PEPD: variants seen among roughly 807,000 people sequenced by gnomAD.
PEPD encodes the protein xaa-Pro dipeptidase.
PEPD carries 53 observed loss-of-function variants against 60.7 expected under a neutral mutation model. The ratio of observed to expected loss-of-function variants is 0.87; its 90% CI spans 0.70 to 1.10. The LOEUF is 1.10. Ranked by LOEUF, PEPD falls within the 50% of genes least tolerant of loss-of-function variation. The pLI, the probability that PEPD is intolerant of heterozygous loss-of-function variation, is 0.00. For synonymous variants in PEPD, 267 were observed against 284.1 expected (o/e 0.94, Z 0.60); for missense variants, 711 against 711.9 (o/e 1.00, Z 0.01).
At chr19:33,445,083 G>A (rs1969568195) in intron 9 of PEPD, among the ~76,000 whole-genome samples, 1 of 152,152 alleles carries the variant, frequency 6.6e-6, no homozygotes, top group Non-Finnish European at 1.5e-5. Context: ...TGTGATGCTG[G>A]ATGGATTACT....
intron 13 of PEPD, among the ~76,000 whole-genome samples, chr19:33,390,290 TG>T (rs1258689836): frequency 2.1e-4 from 32 of 152,324 alleles, no homozygotes; most frequent in African/African-American, 6.0e-4. Flanking sequence ...CAGCTAACAA[TG>T]TCTGGAAGGC....
At chr19:33,440,577 C>A (rs1333789952) in intron 9 of PEPD, among the ~76,000 whole-genome samples, 1 of 152,080 alleles carries the variant, frequency 6.6e-6, no homozygotes, top group African/African-American at 2.4e-5. Context: ...TCCCTGACAC[C>A]CCAGAGCTCA....
At chr19:33,452,469 T>C (rs1475991799) in intron 9 of PEPD, among the ~76,000 whole-genome samples, 2 of 152,056 alleles carry the variant, frequency 1.3e-5, no homozygotes, top group Non-Finnish European at 2.9e-5. Flanking sequence ...ATCAATGAGT[T>C]TGACCAACAG....
chr19:33,402,035 C>T lies in PEPD; in HGVS notation c.819-166G>A, dbSNP rs529935860. Among the ~76,000 whole-genome samples, 6 of 152,278 alleles carry T rather than the reference C, an allele frequency of 3.9e-5. No homozygotes were observed. The East Asian group carries it at 5.8e-4, about 15-fold the overall frequency. On this transcript the variant is annotated intron_variant, in intron 11 of 14. Coordinates refer to ENST00000244137, the MANE Select transcript of PEPD (RefSeq NM_000285.4). ...GGGAACTGCCACCTGGTGTCTCCCA[C>T]GGGTGCGTGGGCAGCAAGGAAACCC... is the stretch of plus-strand genomic sequence containing the variant.
chr19:33,413,442 T>C, intron 10 of PEPD, 133 bp downstream of exon 10: 1 of 657,394 alleles, frequency 1.5e-6, no homozygotes, highest in South Asian at 1.7e-5. Context: ...CTTCCAAGCT[T>C]GGGCCGGGCG....
rs148366991 is a variant in PEPD at position 33,467,348 on chromosome 19, CT to C, written c.549-3287del. Among the ~76,000 whole-genome samples the C allele has an allele frequency of 8.4e-4, 124 of 147,854 alleles. No homozygotes were observed. The South Asian group carries it at 0.015, about 18-fold the overall frequency. ...TCATCATAGAAACACAGTTTTATGG[CT>C]TTTTTTTTTAACCTTTTAGAGTTAA... On this transcript the variant is annotated intron_variant, in intron 7 of 14. Coordinates refer to ENST00000244137, the MANE Select transcript of PEPD (RefSeq NM_000285.4).
At chr19:33,397,058 A>G (rs1366662172) in intron 12 of PEPD, among the ~76,000 whole-genome samples, 1 of 150,452 alleles carries the variant, frequency 6.6e-6, no homozygotes, top group African/African-American at 2.5e-5. Context: ...ATCCCACCCA[A>G]CCTCCCGTGC....
At chr19:33,392,024 A>G (rs1415031283) in intron 12 of PEPD, among the ~76,000 whole-genome samples, 2 of 152,232 alleles carry the variant, frequency 1.3e-5, no homozygotes, top group Non-Finnish European at 2.9e-5. Flanking sequence ...ATGGGGATGA[A>G]ACACCCCTGG....
intron 7 of PEPD, among the ~76,000 whole-genome samples, chr19:33,474,354 G>A (rs1970178185): frequency 6.6e-6 from 1 of 152,194 alleles, no homozygotes; most frequent in South Asian, 2.1e-4. Context: ...CTGTAGCATG[G>A]AAATAACTAG....
At chr19:33,421,861 C>T (rs1969026996) in intron 9 of PEPD, among the ~76,000 whole-genome samples, 1 of 152,174 alleles carries the variant, frequency 6.6e-6, no homozygotes, top group Admixed American at 6.5e-5. Flanking sequence ...CCACAACTCC[C>T]TCCCTGGTGC....
intron 9 of PEPD, among the ~76,000 whole-genome samples, chr19:33,431,006 G>A (rs2145395773): frequency 6.6e-6 from 1 of 152,250 alleles, no homozygotes; most frequent in East Asian, 1.9e-4. Flanking sequence ...TCAGCACTTT[G>A]GGAGGCTGAG....
chr19:33,437,391 C>T (rs1969397209), intron 9 of PEPD, among the ~76,000 whole-genome samples: 1 of 151,578 alleles, frequency 6.6e-6, no homozygotes, highest in Admixed American at 6.6e-5. Context: ...AAAGAAATGC[C>T]AATTTTCAAC....
intron 11 of PEPD, among the ~76,000 whole-genome samples, chr19:33,407,842 G>T (rs947694352): frequency 6.6e-6 from 1 of 152,242 alleles, no homozygotes; most frequent in Non-Finnish European, 1.5e-5. Context: ...GGCTGAGGGT[G>T]TATGCAGCCA....
chr19:33,408,700 G>T (rs1357204684), intron 11 of PEPD, among the ~76,000 whole-genome samples: 1 of 152,230 alleles, frequency 6.6e-6, no homozygotes, highest in Non-Finnish European at 1.5e-5. Flanking sequence ...CATTGCAGCA[G>T]GCGCACTGCT....
At chr19:33,400,697 T>G (rs978406603) in intron 12 of PEPD, among the ~76,000 whole-genome samples, 1 of 152,218 alleles carries the variant, frequency 6.6e-6, no homozygotes, top group African/African-American at 2.4e-5. Flanking sequence ...GGTGCTGTGT[T>G]GAAGCCCTGG....
chr19:33,495,835 A>G (rs1970592408), intron 4 of PEPD, among the ~76,000 whole-genome samples: 1 of 152,058 alleles, frequency 6.6e-6, no homozygotes, highest in African/African-American at 2.4e-5. Flanking sequence ...AAAATACAAA[A>G]AAATTAGCCG....
chr19:33,503,599 C>T (rs1555770132), intron 3 of PEPD, among the ~76,000 whole-genome samples: 1 of 152,192 alleles, frequency 6.6e-6, no homozygotes, highest in Non-Finnish European at 1.5e-5. Flanking sequence ...ACTCTCAGCA[C>T]CGAGTTGACC....
chr19:33,446,012 C>T (rs1029067785), intron 9 of PEPD, among the ~76,000 whole-genome samples: 1 of 152,226 alleles, frequency 6.6e-6, no homozygotes, highest in African/African-American at 2.4e-5. Context: ...CCTGTCCAAA[C>T]CACCTGGACC....
chr19:33,484,234 A>G (rs2145307238), intron 6 of PEPD, among the ~76,000 whole-genome samples: 1 of 152,364 alleles, frequency 6.6e-6, no homozygotes, highest in Non-Finnish European at 1.5e-5. Flanking sequence ...AGCAGGTGAC[A>G]TAAATCAAAA....
Sources: allele counts gnomAD v4.1 joint callset (sites outside exome capture counted in the v4.1 genomes callset), GRCh38; gene constraint gnomAD v4.1.1; transcripts MANE v1.5; gene names NCBI Gene and HGNC (gene_info 2026-07-23, HGNC 2026-07-21).